The following DENND3 variants were observed in gnomAD, a reference collection of about 807,000 sequenced individuals.
DENND3 encodes the protein DENN domain-containing protein 3.
Under a neutral mutation model 135.1 loss-of-function variants are expected in DENND3, and 88 were observed. The observed-to-expected ratio is 0.65, with a 90% CI of 0.55 to 0.78. The LOEUF (loss-of-function observed/expected upper bound fraction) is 0.78. Ranked by LOEUF, DENND3 falls within the 30% of genes least tolerant of loss-of-function variation. The probability of loss-of-function intolerance (pLI) is 0.00; values close to 1 mark genes in which losing one functional copy is unlikely to be tolerated. For synonymous variants in DENND3, 693 were observed against 712.3 expected, an observed-to-expected ratio of 0.97 and a Z score of 0.43; for missense variants, 1,392 against 1,688.4, an observed-to-expected ratio of 0.82 and a Z score of 3.08.
chr8:141,132,989 C>A (rs1028052091), intron 1 of DENND3, among the ~76,000 whole-genome samples: 1 of 152,226 alleles, frequency 6.6e-6, no homozygotes, highest in African/African-American at 2.4e-5. Flanking sequence ...CTCTGCTCCA[C>A]CGCATCCCCT....
At chr8:141,179,703 C>T (rs1237177351) in intron 16 of DENND3, among the ~76,000 whole-genome samples, 3 of 152,252 alleles carry the variant, frequency 2.0e-5, no homozygotes, top group Non-Finnish European at 2.9e-5. Context: ...CCGCCAGCCT[C>T]GTGCGGAGTC....
intron 1 of DENND3, among the ~76,000 whole-genome samples, chr8:141,135,533 C>T (rs1482041156): frequency 6.6e-6 from 1 of 152,202 alleles, no homozygotes. Context: ...CTTGGGTACC[C>T]AGGGCCCCTT....
intron 4 of DENND3, chr8:141,142,525 T>C (rs1817593172): frequency 2.7e-6 from 1 of 376,744 alleles, no homozygotes; most frequent in African/African-American, 2.2e-5. Context: ...GGTTTACTTC[T>C]TAAAATATAA....
intron 3 of DENND3, among the ~76,000 whole-genome samples, chr8:141,140,687 C>T (rs978732652): frequency 2.6e-5 from 4 of 152,222 alleles, no homozygotes; most frequent in African/African-American, 9.6e-5. Flanking sequence ...CCTTCCATCC[C>T]TACAAAAAAC....
intron 8 of DENND3, 110 bp downstream of exon 8, chr8:141,156,080 A>G: frequency 7.4e-7 from 1 of 1,351,234 alleles, no homozygotes; most frequent in Non-Finnish European, 9.7e-7. Context: ...TGTTTTATAT[A>G]TTATAGTTTG....
At position 141,168,379 on chromosome 8, in the gene DENND3, A is replaced by C; in HGVS notation, c.2129A>C (p.Glu710Ala). 1 of 1,613,938 alleles carries C rather than the reference A, an allele frequency of 6.2e-7. No individual in the cohort carries two copies. The highest frequency in any genetic ancestry group is 8.5e-7 in the Non-Finnish European group (1 of 1,180,036). ...AGCGAGATCCTGGACAAGCCGCACGAGGCCTCGAAGCTGGACGACCACGTG... is the reference window on the plus strand; with the variant it reads ...AGCGAGATCCTGGACAAGCCGCACGCGGCCTCGAAGCTGGACGACCACGTG... ...LISEILDKPH[E>A]ASKLDDHVKK... Residue 710 changes from glutamate to alanine, a missense_variant, in exon 13 of 23, where the codon GAG (glutamate) becomes GCG (alanine). Coordinates refer to ENST00000519811, the MANE Select transcript of DENND3 (RefSeq NM_001352890.3). The surrounding 1 kb of genome is among the most constrained non-coding windows in gnomAD (Gnocchi z 6.2).
chr8:141,188,907 C>T (rs752998857), intron 18 of DENND3, 79 bp from the exon 19 acceptor site: 273 of 1,522,308 alleles, frequency 1.8e-4, no homozygotes, highest in Non-Finnish European at 2.2e-4. Flanking sequence ...TAATTCAGCA[C>T]GTGCAGTAAA....
chr8:141,186,121 A>G (rs1232628692), intron 18 of DENND3, among the ~76,000 whole-genome samples: 2 of 151,502 alleles, frequency 1.3e-5, no homozygotes, highest in East Asian at 3.9e-4. Flanking sequence ...TATTTTTTGT[A>G]GAGATGAGGT....
In DENND3 at chr8:141,128,851, G is replaced by A; in HGVS notation, c.102+42G>A. The A allele has an allele frequency of 7.5e-7, 1 of 1,325,708 alleles. No individual in the cohort carries two copies. Among genetic ancestry groups the A allele is most frequent in the East Asian group, 3.1e-5 (1 of 32,030 alleles). 82.1% of individuals were successfully genotyped at this position (1,325,708 alleles called of 1,614,324 possible). A position where few individuals can be genotyped will look rare whatever the true frequency, so the allele number is the denominator to read the frequency against. The stretch of plus-strand genomic sequence containing the variant: ...CTGAGGCGGACGTGGGCCACGAGTC[G>A]GCAGCCGGGACAGCAGTCGGAGAGC... On this transcript the variant is annotated intron_variant, in intron 1 of 22. Coordinates refer to ENST00000519811, the MANE Select transcript of DENND3 (RefSeq NM_001352890.3). This position sits in a 1 kb window ranked among gnomAD's most constrained non-coding sequence, Gnocchi z 4.5.
rs1234515409 is a variant in DENND3 at position 141,173,036 on chromosome 8, C to G, written c.2276-2164C>G. Among the ~76,000 whole-genome samples the G allele has an allele frequency of 2.6e-5, 4 of 151,270 alleles. No homozygotes were observed. The Admixed American group carries it at 2.7e-4, about 10-fold the overall frequency. On this transcript the variant is annotated intron_variant, in intron 13 of 22. Coordinates refer to ENST00000519811, the MANE Select transcript of DENND3 (RefSeq NM_001352890.3). ...CAGAGGCGGAGGTGGCTGAGGCACC[C>G]CAGTCAGAGGCGGAGGTGGCTGCAT... is the stretch of plus-strand genomic sequence containing the variant.
rs1196067310 is a variant in DENND3 at position 141,146,011 on chromosome 8, C to T, written c.735+1752C>T. On this transcript the variant is annotated intron_variant, in intron 5 of 22. Coordinates refer to ENST00000519811, the MANE Select transcript of DENND3 (RefSeq NM_001352890.3). This position sits in a 1 kb window ranked among gnomAD's most constrained non-coding sequence, Gnocchi z 4.3. Reference sequence around the variant, plus strand: ...TTACAGGCGCGTGCCACCACGCTGGCTAATTTTTTGTATTTTTAGTAGAGA... The same window carrying T: ...TTACAGGCGCGTGCCACCACGCTGGTTAATTTTTTGTATTTTTAGTAGAGA... 1.3e-5 allele frequency among the ~76,000 whole-genome samples: 2 copies of T among 151,408 alleles called. No homozygotes were observed. The highest frequency in any genetic ancestry group is 4.9e-5 in the African/African-American group (2 of 41,220).
intron 1 of DENND3, 131 bp from the exon 2 acceptor site, chr8:141,136,378 A>G (rs1316708019): frequency 1.0e-6 from 1 of 963,140 alleles, no homozygotes; most frequent in East Asian, 2.6e-5. Context: ...CTTTACTGTT[A>G]GGAGCCTGAG....
At chr8:141,132,996 C>T (rs1483007371) in intron 1 of DENND3, among the ~76,000 whole-genome samples, 3 of 152,094 alleles carry the variant, frequency 2.0e-5, no homozygotes, top group African/African-American at 7.3e-5. Flanking sequence ...CCACCGCATC[C>T]CCTCAAATGG....
Position 141,175,701 on chromosome 8 carries a change from T to G in DENND3, c.2535+242T>G. On this transcript the variant is annotated intron_variant, in intron 14 of 22. Coordinates refer to ENST00000519811, the MANE Select transcript of DENND3 (RefSeq NM_001352890.3). This position sits in a 1 kb window ranked among gnomAD's most constrained non-coding sequence, Gnocchi z 5.4. ...GAGCATGCTTAGAATGGTAACTGAT[T>G]CTCTGTCACAGCTGACTTGCATCTG... 1.8e-6 allele frequency: 1 copy of G among 562,444 alleles called. No individual in the cohort carries two copies. The highest frequency in any genetic ancestry group is 3.2e-6 in the Non-Finnish European group (1 of 315,880). 34.8% of individuals were successfully genotyped at this position (562,444 alleles called of 1,614,324 possible). A position where few individuals can be genotyped will look rare whatever the true frequency, so the allele number is the denominator to read the frequency against.
At chr8:141,186,305 T>C (rs920240962) in intron 18 of DENND3, among the ~76,000 whole-genome samples, 1 of 152,168 alleles carries the variant, frequency 6.6e-6, no homozygotes, top group Non-Finnish European at 1.5e-5. Flanking sequence ...GACAGCTGCC[T>C]CTGCAGTGAC....
At chr8:141,147,361 G>A (rs185629618) in intron 5 of DENND3, among the ~76,000 whole-genome samples, 111 of 152,280 alleles carry the variant, frequency 7.3e-4, no homozygotes, top group Non-Finnish European at 1.2e-3. Flanking sequence ...CCCCACAACA[G>A]TTTCTCACCG....
intron 9 of DENND3, among the ~76,000 whole-genome samples, chr8:141,161,782 T>C (rs1820152772): frequency 6.7e-6 from 1 of 149,424 alleles, no homozygotes; most frequent in Non-Finnish European, 1.5e-5. Context: ...TATTTCAAAA[T>C]GGAAATTTGA....
At position 141,182,238 on chromosome 8, in the gene DENND3, C is replaced by G. The variant is rs528949333; in HGVS notation, c.2944+1384C>G. The G allele has an allele frequency of 5.4e-6, 5 of 932,022 alleles. No individual in the cohort carries two copies. Among genetic ancestry groups the G allele is most frequent in the Non-Finnish European group, 6.4e-6 (5 of 781,358 alleles). 57.7% of individuals were successfully genotyped at this position (932,022 alleles called of 1,614,324 possible). On this transcript the variant is annotated intron_variant, in intron 17 of 22. Transcript: ENST00000519811. This position sits in a 1 kb window ranked among gnomAD's most constrained non-coding sequence, Gnocchi z 5.9. ...TTCACAGAGCACCTGGCCATTCACA[C>G]ACGGAGCTCATGCTTCAGGTGGGCA...
intron 11 of DENND3, among the ~76,000 whole-genome samples, chr8:141,165,626 G>A (rs1465594392): frequency 6.6e-6 from 1 of 151,960 alleles, no homozygotes; most frequent in South Asian, 2.1e-4. Context: ...CATCATGCCC[G>A]GCTAATTTTT....
Sources: gnomAD v4.1 joint callset for allele counts (sites outside exome capture counted in the v4.1 genomes callset) on GRCh38, gnomAD v4.1.1 for gene constraint, Gnocchi (gnomAD v3.1) non-coding constraint, MANE v1.5 for transcripts, NCBI Gene and HGNC (gene_info 2026-07-23, HGNC 2026-07-21) for gene names.